HSP90AB1: variants seen among roughly 807,000 people sequenced by gnomAD.
The protein encoded by HSP90AB1 is heat shock protein 90 alpha family class B member 1, also known as heat shock protein HSP 90-beta.
HSP90AB1 carries 17 observed loss-of-function variants against 67.8 expected under a neutral mutation model. The ratio of observed to expected loss-of-function variants is 0.25; its 90% CI spans 0.17 to 0.38. The LOEUF is 0.38. Among genes scored for constraint, HSP90AB1 ranks in the 10% least tolerant of loss-of-function variants. HSP90AB1 has a pLI of 1.00. For missense variants in HSP90AB1, 690 were observed against 899.9 expected (o/e 0.77, Z 2.98); for synonymous variants, 390 against 312.9 (o/e 1.25, Z -2.60).
At chr6:44,252,630 C>G (rs930529568) in intron 10 of HSP90AB1, among the ~76,000 whole-genome samples, 19 of 152,016 alleles carry the variant, frequency 1.2e-4, no homozygotes, top group South Asian at 2.1e-4. Flanking sequence ...TGAGTAGCTG[C>G]CACTACAGGC....
chr6:44,246,293 A>C (rs1277573607), upstream of HSP90AB1: 1 of 151,622 alleles, frequency 6.6e-6, no homozygotes, highest in South Asian at 2.1e-4. Flanking sequence ...TCCCTCCCCA[A>C]CCCTCCATCC....
rs757664283 is a variant in HSP90AB1 at position 44,250,440 on chromosome 6, G to A, written c.798G>A (p.Lys266=). 38 of 1,613,834 alleles carry A rather than the reference G, an allele frequency of 2.4e-5. No individual in the cohort carries two copies. The highest frequency in any genetic ancestry group is 1.6e-4 in the Middle Eastern group (1 of 6,084). Reference sequence around the variant, plus strand: ...AGGATGACAGCGGTAAGGATAAGAAGAAGAAAACTAAGAAGATCAAAGAGA... The same window carrying A: ...AGGATGACAGCGGTAAGGATAAGAAAAAGAAAACTAAGAAGATCAAAGAGA... ...DEEDDSGKDK[K]KKTKKIKEKY... The change falls in exon 6 of 12, where the codon AAG becomes AAA. Residue 266 remains lysine (K), a synonymous_variant. Coordinates refer to ENST00000371646, the MANE Select transcript of HSP90AB1 (RefSeq NM_007355.4).
At position 44,251,873 on chromosome 6, in the gene HSP90AB1, A is replaced by G. The variant is rs926205847; in HGVS notation, c.1451A>G (p.Tyr484Cys). 2 of 1,613,034 alleles carry G rather than the reference A, an allele frequency of 1.2e-6. No individual in the cohort carries two copies. Among genetic ancestry groups the G allele is most frequent in the African/African-American group, 1.3e-5 (1 of 74,902 alleles). The part of the protein sequence containing the change: ...SRMKETQKSI[Y>C]YITGESKEQV... ...ATGAAGGAGACACAGAAGTCCATCT[A>G]TTACATCACTGGTGCGTTGACTCTG... The change falls in exon 9 of 12, where the codon TAT (tyrosine) becomes TGT (cysteine). Residue 484 changes from tyrosine (Y) to cysteine (C), a missense_variant. Transcript: ENST00000371646.
intron 5 of HSP90AB1, 48 bp downstream of exon 5, chr6:44,250,202 C>T (rs1394079692): frequency 2.5e-6 from 4 of 1,613,062 alleles, no homozygotes; most frequent in South Asian, 1.1e-5. Context: ...CAGGATGTTT[C>T]CTGTTCTGGA....
At chr6:44,247,067 C>T (rs1352244127), upstream of HSP90AB1, 5 of 152,198 alleles carry the variant, frequency 3.3e-5, no homozygotes, top group Non-Finnish European at 7.3e-5. Context: ...CTGTGCTTCG[C>T]CTTATATAGG....
rs1173904635 is a variant in HSP90AB1 at position 44,249,370 on chromosome 6, T to A, written c.148-7T>A. 1.9e-6 allele frequency: 3 copies of A among 1,612,180 alleles called. No homozygotes were observed. Among genetic ancestry groups the A allele is most frequent in the African/African-American group, 2.7e-5 (2 of 74,872 alleles). ...GAGCAAAAGTAAGTTGCTGTTTGTA[T>A]TTCCAGGCCTTGGACAAGATTCGCT... On this transcript the variant is annotated splice_polypyrimidine_tract_variant and splice_region_variant and intron_variant, in intron 2 of 11. Coordinates refer to ENST00000371646, the MANE Select transcript of HSP90AB1 (RefSeq NM_007355.4).
intron 1 of HSP90AB1, 152 bp from the exon 2 acceptor site, chr6:44,248,476 TAA>T: frequency 1.7e-6 from 1 of 591,676 alleles, no homozygotes; most frequent in Non-Finnish European, 2.9e-6. Context: ...CTGAGATCTT[TAA>T]GAGAATGCAT....
upstream of HSP90AB1, among the ~76,000 whole-genome samples, chr6:44,246,512 C>T (rs1000752045): frequency 2.0e-5 from 3 of 152,290 alleles, no homozygotes; most frequent in Admixed American, 1.3e-4. Context: ...GCAAAGAGTC[C>T]CCGCCAGCCC....
rs1183635954 is a variant in HSP90AB1, at chr6:44,250,449, T to A, written c.807T>A (p.Thr269=). ...GCGGTAAGGATAAGAAGAAGAAAAC[T>A]AAGAAGATCAAAGAGAAATACATTG... ...DDSGKDKKKK[T]KKIKEKYIDQ... is the part of the protein sequence containing the mutation. Residue 269 remains threonine, a synonymous_variant, in exon 6 of 12, where the codon ACT becomes ACA. Coordinates refer to ENST00000371646, the MANE Select transcript of HSP90AB1 (RefSeq NM_007355.4). 9 of 1,613,840 alleles carry A rather than the reference T, an allele frequency of 5.6e-6. No homozygotes were observed. The highest frequency in any genetic ancestry group is 7.6e-6 in the Non-Finnish European group (9 of 1,179,822).
chr6:44,252,663 A>G (rs1780831225), intron 10 of HSP90AB1, among the ~76,000 whole-genome samples: 1 of 151,936 alleles, frequency 6.6e-6, no homozygotes. Context: ...ACCCCGGCTA[A>G]TTTTTTGTAT....
Position 44,248,740 on chromosome 6 carries a change from G to A in HSP90AB1, c.111G>A (p.Glu37=), listed in dbSNP as rs1392976016. 1.2e-6 allele frequency: 2 copies of A among 1,613,920 alleles called. No homozygotes were observed. The highest frequency in any genetic ancestry group is 1.7e-5 in the Admixed American group (1 of 59,978). Residue 37 remains glutamate (E), a synonymous_variant, in exon 2 of 12, where the codon GAG becomes GAA. Coordinates refer to ENST00000371646, the MANE Select transcript of HSP90AB1 (RefSeq NM_007355.4). ...TCAATACCTTCTATTCCAACAAGGA[G>A]ATTTTCCTTCGGGAGTTGATCTCTA... ...LIINTFYSNK[E]IFLRELISNA...
In HSP90AB1 at chr6:44,251,477, C is replaced by T. The variant is rs1225185015; in HGVS notation, c.1183C>T (p.Leu395Phe). 2 of 1,611,310 alleles carry T rather than the reference C, an allele frequency of 1.2e-6. No individual in the cohort carries two copies. The highest frequency in any genetic ancestry group is 2.2e-5 in the East Asian group (1 of 44,828). Residue 395 changes from leucine (L) to phenylalanine (F), a missense_variant, in exon 8 of 12, where the codon CTC becomes TTC. By Grantham distance (22) the Leu-to-Phe change is conservative (BLOSUM62 0). Coordinates refer to ENST00000371646, the MANE Select transcript of HSP90AB1 (RefSeq NM_007355.4). ...DLPLNISREMLQQSKILKVIR... is the reference protein window; with the variant it reads ...DLPLNISREMFQQSKILKVIR... ...GCCCCTGAACATCTCCCGAGAAATG[C>T]TCCAGCAGAGCAAAATCTTGAAAGT...
Position 44,249,637 on chromosome 6 carries a change from T to G in HSP90AB1, c.355-38T>G, listed in dbSNP as rs34083426. On this transcript the variant is annotated intron_variant, in intron 3 of 11. Transcript: ENST00000371646. The stretch of plus-strand genomic sequence containing the variant: ...TATCTGTGTTCTTTGGTTTTTTGCT[T>G]CTTTAAAACTTGTGATTGACTTTAA... 354,549 of 1,610,572 alleles carry G rather than the reference T, an allele frequency of 0.22. 41,448 individuals are homozygous for G. Among genetic ancestry groups the G allele is most frequent in the Middle Eastern group, 0.31 (1,859 of 6,050 alleles).
At chr6:44,251,297 T>C (rs1170431000) in intron 7 of HSP90AB1, 84 bp downstream of exon 7, 2 of 1,550,814 alleles carry the variant, frequency 1.3e-6, no homozygotes. Flanking sequence ...AGGTAACAGT[T>C]TTCTGCAATA....
chr6:44,253,574 G>A lies in HSP90AB1; in HGVS notation c.2151G>A (p.Ala717=), dbSNP rs754652948. 25 of 1,613,844 alleles carry A rather than the reference G, an allele frequency of 1.5e-5. No homozygotes were observed. The highest frequency in any genetic ancestry group is 8.8e-5 in the South Asian group (8 of 91,078). The change falls in exon 12 of 12, where the codon GCG becomes GCA. Residue 717 remains alanine, a synonymous_variant. Transcript: ENST00000371646. ...CCCCTCTCGAGGGCGATGAGGATGC[G>A]TCTCGCATGGAAGAAGTCGATTAGG... The part of the protein sequence containing the change: ...EIPPLEGDED[A]SRMEEVD
chr6:44,252,914 A>G (rs1780900249), intron 10 of HSP90AB1, 131 bp from the exon 11 acceptor site: 7 of 694,772 alleles, frequency 1.0e-5, no homozygotes, highest in Middle Eastern at 2.5e-4. Context: ...GGGTTTTGCC[A>G]TGTTGGCCAG....
Position 44,250,499 on chromosome 6 carries a change from A to G in HSP90AB1, c.857A>G (p.Lys286Arg), listed in dbSNP as rs1280109770. 6.2e-7 allele frequency: 1 copy of G among 1,614,060 alleles called. No homozygotes were observed. The highest frequency in any genetic ancestry group is 1.7e-5 in the Admixed American group (1 of 60,028). Residue 286 changes from lysine to arginine, a missense_variant, in exon 6 of 12, where the codon AAG (lysine) becomes AGG (arginine). By Grantham distance (26) the Lys-to-Arg change is conservative. Coordinates refer to ENST00000371646, the MANE Select transcript of HSP90AB1 (RefSeq NM_007355.4). ...YIDQEELNKT[K>R]PIWTRNPDDI... Reference sequence around the variant, plus strand: ...GATCAGGAAGAACTAAACAAGACCAAGCCTATTTGGACCAGAAACCCTGAT... The same window carrying G: ...GATCAGGAAGAACTAAACAAGACCAGGCCTATTTGGACCAGAAACCCTGAT...
chr6:44,250,783 T>C (rs1266224508), intron 6 of HSP90AB1, among the ~76,000 whole-genome samples, 184 bp downstream of exon 6: 1 of 152,208 alleles, frequency 6.6e-6, no homozygotes, highest in Non-Finnish European at 1.5e-5. Flanking sequence ...ATGACCTCAC[T>C]TTCTCTTCTT....
At chr6:44,247,611 G>A (rs1780077539) in intron 1 of HSP90AB1, among the ~76,000 whole-genome samples, 1 of 152,250 alleles carries the variant, frequency 6.6e-6, no homozygotes, top group Non-Finnish European at 1.5e-5. Context: ...GACTGGCTTT[G>A]TCACCTCTCT....
Sources: gnomAD v4.1 joint callset for allele counts (sites outside exome capture counted in the v4.1 genomes callset) on GRCh38, gnomAD v4.1.1 for gene constraint, MANE v1.5 for transcripts, NCBI Gene and HGNC (gene_info 2026-07-23, HGNC 2026-07-21) for gene names.